HIPK3: variants seen among roughly 807,000 people sequenced by gnomAD.
HIPK3 encodes the protein homeodomain-interacting protein kinase 3.
Under a neutral mutation model 124.2 loss-of-function variants are expected in HIPK3, and 47 were observed. The ratio of observed to expected loss-of-function variants is 0.38; its 90% CI spans 0.30 to 0.48. The LOEUF is 0.48. Among genes scored for constraint, HIPK3 ranks in the 20% least tolerant of loss-of-function variants. HIPK3 has a pLI of 0.98. For synonymous variants in HIPK3, 482 were observed against 515.2 expected (o/e 0.94, Z 0.87); for missense variants, 1,286 against 1,454.3 (o/e 0.88, Z 1.88).
At chr11:33,327,837 A>T (rs1852857129) in intron 2 of HIPK3, among the ~76,000 whole-genome samples, 1 of 152,174 alleles carries the variant, frequency 6.6e-6, no homozygotes, top group African/African-American at 2.4e-5. Flanking sequence ...TTCTCAAGGG[A>T]AATCCATATG....
chr11:33,311,868 A>ACACACACACACACACT (rs1376720961), intron 2 of HIPK3, among the ~76,000 whole-genome samples: 6 of 141,860 alleles, frequency 4.2e-5, no homozygotes, highest in African/African-American at 1.6e-4. Flanking sequence ...ACACACACAC[A>ACACACACACACACACT]CTACACACAC....
chr11:33,301,163 C>CAT (rs1424545713), intron 2 of HIPK3, among the ~76,000 whole-genome samples: 2 of 152,114 alleles, frequency 1.3e-5, no homozygotes, highest in Non-Finnish European at 2.9e-5. Flanking sequence ...CAATATGTTA[C>CAT]TTATTTGCTC....
chr11:33,338,918 G>A (rs1853244840), intron 5 of HIPK3, 75 bp downstream of exon 5: 5 of 975,244 alleles, frequency 5.1e-6, no homozygotes, highest in Non-Finnish European at 7.9e-6. Flanking sequence ...CCCAAAACAT[G>A]TTACTCAGTT....
intron 2 of HIPK3, among the ~76,000 whole-genome samples, chr11:33,301,145 A>G (rs1851987075): frequency 6.6e-6 from 1 of 152,184 alleles, no homozygotes; most frequent in South Asian, 2.1e-4. Flanking sequence ...ACTGACTCTC[A>G]TTAGCCACAA....
At position 33,286,539 on chromosome 11, in the gene HIPK3, G is replaced by C; in HGVS notation, c.125G>C (p.Arg42Pro). 1 of 1,613,842 alleles carries C rather than the reference G, an allele frequency of 6.2e-7. No individual in the cohort carries two copies. The highest frequency in any genetic ancestry group is 8.5e-7 in the Non-Finnish European group (1 of 1,179,978). Residue 42 changes from arginine to proline, a missense_variant, in exon 2 of 17, where the codon CGG becomes CCG. Physicochemically the swap from Arg to Pro is moderately radical, Grantham distance 103 (BLOSUM62 -2). This residue lies in a region of HIPK3 where 225 missense variants were observed against 240.3 expected (regional missense o/e 0.94). Coordinates refer to ENST00000303296, the MANE Select transcript of HIPK3 (RefSeq NM_005734.5). ...SCVFQERNYP[R>P]TYVNGRNFGN... The stretch of plus-strand genomic sequence containing the variant: ...GTATTCCAGGAAAGAAACTATCCAC[G>C]GACCTATGTGAATGGTAGAAACTTT...
intron 2 of HIPK3, 148 bp from the exon 3 acceptor site, chr11:33,328,361 TA>T: frequency 1.5e-6 from 1 of 669,910 alleles, no homozygotes; most frequent in East Asian, 2.7e-5. Context: ...GGATTATGTC[TA>T]GGTTTCAAAG....
chr11:33,309,315 A>T (rs2133939796), intron 2 of HIPK3, among the ~76,000 whole-genome samples: 1 of 152,150 alleles, frequency 6.6e-6, no homozygotes, highest in Middle Eastern at 3.4e-3. Flanking sequence ...GGATCTTGCC[A>T]TGTTGCCCAG....
At chr11:33,269,717 A>G (rs1020428526) in intron 1 of HIPK3, among the ~76,000 whole-genome samples, 1 of 151,642 alleles carries the variant, frequency 6.6e-6, no homozygotes, top group Non-Finnish European at 1.5e-5. Context: ...AGTTCTGTCT[A>G]TGCCACTTTA....
intron 2 of HIPK3, among the ~76,000 whole-genome samples, chr11:33,304,558 A>C (rs996142255): frequency 6.4e-5 from 9 of 140,918 alleles, no homozygotes; most frequent in African/African-American, 2.3e-4. Flanking sequence ...ACTCCATTTC[A>C]AAAAAAAAAA....
At chr11:33,261,149 TTA>T (rs1213088416) in intron 1 of HIPK3, among the ~76,000 whole-genome samples, 1 of 146,374 alleles carries the variant, frequency 6.8e-6, no homozygotes, top group African/African-American at 2.5e-5. Context: ...ATAAAATATA[TTA>T]TATAAATATA....
rs926843799 is a variant in HIPK3 at position 33,257,834 on chromosome 11, G to A, written c.-58G>A. 1.1e-5 allele frequency: 11 copies of A among 985,944 alleles called. No homozygotes were observed. The African/African-American group carries it at 1.7e-4, about 16-fold the overall frequency. The allele number at this position is 985,944 out of a possible 1,614,324, so 61.1% of individuals were successfully genotyped here. On this transcript the variant is annotated 5_prime_UTR_variant, in exon 1 of 17. Transcript: ENST00000303296. ...CCGGCACGGCCCTGCGCCCCACCCC[G>A]GACATGCTCAGGGCTGCGGCCGCCC... is the stretch of plus-strand genomic sequence containing the variant.
intron 2 of HIPK3, among the ~76,000 whole-genome samples, chr11:33,327,550 G>A (rs897608309): frequency 6.6e-6 from 1 of 152,176 alleles, no homozygotes; most frequent in South Asian, 2.1e-4. Context: ...AGCTTAGAAG[G>A]TGGAGATGTA....
intron 13 of HIPK3, 38 bp from the exon 14 acceptor site, chr11:33,349,109 G>A: frequency 1.3e-6 from 2 of 1,593,184 alleles, no homozygotes; most frequent in Non-Finnish European, 1.7e-6. Flanking sequence ...GTATCTTCTT[G>A]TATTTGACTC....
At chr11:33,260,884 C>A (rs1213158311) in intron 1 of HIPK3, among the ~76,000 whole-genome samples, 1 of 151,944 alleles carries the variant, frequency 6.6e-6, no homozygotes, top group Non-Finnish European at 1.5e-5. Context: ...AGTTGAGACT[C>A]CCAATGTAGT....
chr11:33,299,905 C>T (rs1288825953), intron 2 of HIPK3, among the ~76,000 whole-genome samples: 5 of 150,956 alleles, frequency 3.3e-5, no homozygotes, highest in African/African-American at 1.2e-4. Flanking sequence ...TGTCTGTAGT[C>T]GTAGCTTCTT....
chr11:33,308,127 A>G (rs1852218617), intron 2 of HIPK3, among the ~76,000 whole-genome samples: 1 of 152,144 alleles, frequency 6.6e-6, no homozygotes. Flanking sequence ...ATTAAGATGC[A>G]TTGTTTTCCC....
chr11:33,266,926 T>C (rs891674752), intron 1 of HIPK3, among the ~76,000 whole-genome samples: 13 of 152,144 alleles, frequency 8.5e-5, no homozygotes, highest in Admixed American at 2.6e-4. Flanking sequence ...CAGATGTGGC[T>C]AGTAATACAG....
At chr11:33,276,311 T>C (rs1318375606) in intron 1 of HIPK3, among the ~76,000 whole-genome samples, 1 of 152,234 alleles carries the variant, frequency 6.6e-6, no homozygotes, top group Non-Finnish European at 1.5e-5. Flanking sequence ...CCTCAGTCTT[T>C]ATGTTGATTT....
intron 6 of HIPK3, among the ~76,000 whole-genome samples, chr11:33,340,290 G>A (rs1250500811): frequency 1.3e-5 from 2 of 152,260 alleles, no homozygotes; most frequent in Non-Finnish European, 2.9e-5. Flanking sequence ...CACCCAGGTT[G>A]GTCTCGAACT....
Sources: allele counts gnomAD v4.1 joint callset (sites outside exome capture counted in the v4.1 genomes callset), GRCh38; gene constraint gnomAD v4.1.1; regional missense constraint gnomAD v4.1.1; transcripts MANE v1.5; gene names NCBI Gene and HGNC (gene_info 2026-07-23, HGNC 2026-07-21).